The following GRTP1 variants were observed in gnomAD, a reference collection of about 807,000 sequenced individuals.
GRTP1 encodes growth hormone-regulated TBC protein 1.
A neutral mutation model predicts 38.1 loss-of-function variants in GRTP1; 56 were observed. That is an observed-to-expected ratio of 1.47 (90% CI 1.19 to 1.84). The LOEUF (loss-of-function observed/expected upper bound fraction) is 1.84, where lower values mean the gene tolerates loss of function less well. GRTP1 is among the 40% of genes most tolerant of loss of function. The probability of loss-of-function intolerance (pLI) is 0.00; values close to 1 mark genes in which losing one functional copy is unlikely to be tolerated. For missense variants in GRTP1, 506 were observed against 453.9 expected (o/e 1.11, Z -1.04); for synonymous variants, 217 against 189.5 (o/e 1.14, Z -1.19).
chr13:113,338,339 C>T lies in GRTP1; in HGVS notation c.562+6524G>A, dbSNP rs540967122. 2.6e-5 allele frequency among the ~76,000 whole-genome samples: 4 copies of T among 152,248 alleles called. No homozygotes were observed. The East Asian group carries it at 5.8e-4, about 22-fold the overall frequency. ...TCTGCGTGTGGATGGTCACAGGCCA[C>T]GGGGAGCGTGTCCTCAGGTCACTTC... is the stretch of plus-strand genomic sequence containing the variant. On this transcript the variant is annotated intron_variant, in intron 5 of 7. Coordinates refer to ENST00000375431, the MANE Select transcript of GRTP1 (RefSeq NM_024719.4).
chr13:113,337,844 C>T (rs951121642), intron 5 of GRTP1, among the ~76,000 whole-genome samples: 6 of 152,392 alleles, frequency 3.9e-5, no homozygotes, highest in East Asian at 1.9e-4. Flanking sequence ...GTGGCAATTG[C>T]GGCGCCAAGA....
Position 113,324,369 on chromosome 13 carries a change from G to C in GRTP1, c.*119C>G. 7.4e-7 allele frequency: 1 copy of C among 1,343,646 alleles called. No individual in the cohort carries two copies. Among genetic ancestry groups the C allele is most frequent in the Non-Finnish European group, 9.7e-7 (1 of 1,036,114 alleles). 83.2% of individuals were successfully genotyped at this position (1,343,646 alleles called of 1,614,324 possible). ...CTCTTTTAAAAAATTCACAACTAAA[G>C]TGTAGTGATGTCAAGTATTTACAAC... On this transcript the variant is annotated 3_prime_UTR_variant, in exon 8 of 8. Coordinates refer to ENST00000375431, the MANE Select transcript of GRTP1 (RefSeq NM_024719.4).
At chr13:113,352,694 A>C (rs1380212165) in intron 3 of GRTP1, among the ~76,000 whole-genome samples, 2 of 152,096 alleles carry the variant, frequency 1.3e-5, no homozygotes, top group Non-Finnish European at 2.9e-5. Context: ...TGTTTTGATA[A>C]CATCCTGTGG....
At chr13:113,340,933 G>GT (rs1173563576) in intron 5 of GRTP1, among the ~76,000 whole-genome samples, 1 of 151,760 alleles carries the variant, frequency 6.6e-6, no homozygotes, top group South Asian at 2.1e-4. Flanking sequence ...TCGTTAGGCT[G>GT]TTTTTTTCTC....
intron 3 of GRTP1, chr13:113,355,069 G>T: frequency 2.4e-6 from 1 of 415,090 alleles, no homozygotes; most frequent in East Asian, 4.1e-5. Flanking sequence ...AGTCTTCATG[G>T]AGCGCATCTG....
At position 113,343,648 on chromosome 13, in the gene GRTP1, T is replaced by C. The variant is rs933684186; in HGVS notation, c.562+1215A>G. On this transcript the variant is annotated intron_variant, in intron 5 of 7. Coordinates refer to ENST00000375431, the MANE Select transcript of GRTP1 (RefSeq NM_024719.4). The surrounding 1 kb of genome is among the most constrained non-coding windows in gnomAD (Gnocchi z 4.8). ...GCCTTCGGTGTCCTCACCCTGGAAA[T>C]GGGGTGGGTGACTGTGTCCGTGTGG... Among the ~76,000 whole-genome samples, 1 of 152,146 alleles carries C rather than the reference T, an allele frequency of 6.6e-6. No homozygotes were observed. The highest frequency in any genetic ancestry group is 1.5e-5 in the Non-Finnish European group (1 of 68,016).
In GRTP1 at chr13:113,348,550, G is replaced by T. The variant is rs1008945113; in HGVS notation, c.465+2299C>A. 6.6e-6 allele frequency among the ~76,000 whole-genome samples: 1 copy of T among 152,152 alleles called. No individual in the cohort carries two copies. Among genetic ancestry groups the T allele is most frequent in the Non-Finnish European group, 1.5e-5 (1 of 68,006 alleles). The stretch of plus-strand genomic sequence containing the variant: ...CCCTAGTACCTCAGATTGGGACCTT[G>T]TTTGGGAAAAAGACTGTTGCAGATG... On this transcript the variant is annotated intron_variant, in intron 4 of 7. Coordinates refer to ENST00000375431, the MANE Select transcript of GRTP1 (RefSeq NM_024719.4). This position sits in a 1 kb window ranked among gnomAD's most constrained non-coding sequence, Gnocchi z 4.8.
At position 113,344,328 on chromosome 13, in the gene GRTP1, G is replaced by A. The variant is rs534640749; in HGVS notation, c.562+535C>T. Among the ~76,000 whole-genome samples, 172 of 152,334 alleles carry A rather than the reference G, an allele frequency of 1.1e-3. 1 individual carries two copies. Among genetic ancestry groups the A allele is most frequent in the African/African-American group, 3.6e-3 (150 of 41,576 alleles). ...AAGAGACGGCAAAAGGCCCTCTGCCGTCCCAGGAGCAAGCAGTTGCTGCAG... is the reference window on the plus strand; with the variant it reads ...AAGAGACGGCAAAAGGCCCTCTGCCATCCCAGGAGCAAGCAGTTGCTGCAG... On this transcript the variant is annotated intron_variant, in intron 5 of 7. Coordinates refer to ENST00000375431, the MANE Select transcript of GRTP1 (RefSeq NM_024719.4).
intron 4 of GRTP1, among the ~76,000 whole-genome samples, chr13:113,350,610 C>T (rs2043246242): frequency 6.6e-6 from 1 of 152,120 alleles, no homozygotes; most frequent in African/African-American, 2.4e-5. Flanking sequence ...CCCCACAGCA[C>T]TCGCCCTCTG....
chr13:113,345,231 G>A (rs2043083464), intron 4 of GRTP1, among the ~76,000 whole-genome samples: 1 of 152,196 alleles, frequency 6.6e-6, no homozygotes, highest in Non-Finnish European at 1.5e-5. Flanking sequence ...TTCCACTAAT[G>A]GTAACCTTGT....
At chr13:113,352,282 TTATATATA>T (rs1189112621) in intron 3 of GRTP1, among the ~76,000 whole-genome samples, 1 of 41,994 alleles carries the variant, frequency 2.4e-5, no homozygotes, top group Non-Finnish European at 4.7e-5. Flanking sequence ...TTATATATAT[TTATATATA>T]TTTATATATA....
intron 5 of GRTP1, among the ~76,000 whole-genome samples, chr13:113,333,527 T>C (rs371102837): frequency 6.6e-6 from 1 of 152,120 alleles, no homozygotes; most frequent in African/African-American, 2.4e-5. Context: ...TTTTTTGAGA[T>C]AGGGTCTTGC....
chr13:113,346,085 T>C (rs61966587), intron 4 of GRTP1, among the ~76,000 whole-genome samples: 1,118 of 8,478 alleles, frequency 0.13, 241 homozygotes, highest in Non-Finnish European at 0.16. Context: ...TGAGCAGACC[T>C]GGGAAGACAT....
Position 113,346,102 on chromosome 13 carries a change from C to A in GRTP1, c.466-1143G>T, listed in dbSNP as rs1316232297. On this transcript the variant is annotated intron_variant, in intron 4 of 7. Coordinates refer to ENST00000375431, the MANE Select transcript of GRTP1 (RefSeq NM_024719.4). ...AGCAGACCTGGGAAGACATCTGTGG[C>A]CGAGAACAGACCCGGGAGGACCTCT... Among the ~76,000 whole-genome samples, 9 of 68,068 alleles carry A rather than the reference C, an allele frequency of 1.3e-4. 1 individual carries two copies. Among genetic ancestry groups the A allele is most frequent in the Admixed American group, 3.3e-4 (2 of 6,008 alleles). The allele number at this position is 68,068 out of a possible 152,430, so 44.7% of individuals were successfully genotyped here. A position where few individuals can be genotyped will look rare whatever the true frequency, so the allele number is the denominator to read the frequency against.
At position 113,342,411 on chromosome 13, in the gene GRTP1, G is replaced by A. The variant is rs1227475437; in HGVS notation, c.562+2452C>T. On this transcript the variant is annotated intron_variant, in intron 5 of 7. Coordinates refer to ENST00000375431, the MANE Select transcript of GRTP1 (RefSeq NM_024719.4). The surrounding 1 kb of genome is among the most constrained non-coding windows in gnomAD (Gnocchi z 4.5). ...TAGTCCCAGCTACTCGGGAGGCTGA[G>A]GCAGGAGAATGGCGTGAACCTGGGA... 6.6e-6 allele frequency among the ~76,000 whole-genome samples: 1 copy of A among 152,050 alleles called. No individual in the cohort carries two copies. Among genetic ancestry groups the A allele is most frequent in the East Asian group, 1.9e-4 (1 of 5,150 alleles).
Position 113,327,879 on chromosome 13 carries a change from A to G in GRTP1, c.563-1788T>C, listed in dbSNP as rs57760448. ...CAGGCAGCAGGGGGTCTGCAGAGAC[A>G]CACAGCCTGACCTTGGCCCCAGACA... On this transcript the variant is annotated intron_variant, in intron 5 of 7. Transcript: ENST00000375431. 0.011 allele frequency among the ~76,000 whole-genome samples: 1,684 copies of G among 152,318 alleles called. 72 individuals carry two copies. The East Asian group carries it at 0.14, about 13-fold the overall frequency.
In GRTP1 at chr13:113,348,835, G is replaced by A. The variant is rs991669024; in HGVS notation, c.465+2014C>T. Among the ~76,000 whole-genome samples the A allele has an allele frequency of 7.9e-5, 12 of 152,254 alleles. No individual in the cohort carries two copies. The highest frequency in any genetic ancestry group is 2.1e-4 in the South Asian group (1 of 4,822). The stretch of plus-strand genomic sequence containing the variant: ...CAGACGCCGCGACCTCACCTGCCCC[G>A]CAGATGCCGCGACCTCTGATGCACA... On this transcript the variant is annotated intron_variant, in intron 4 of 7. Transcript: ENST00000375431. The surrounding 1 kb of genome is among the most constrained non-coding windows in gnomAD (Gnocchi z 4.8).
intron 2 of GRTP1, among the ~76,000 whole-genome samples, chr13:113,356,097 G>A (rs931097446): frequency 5.3e-5 from 8 of 152,164 alleles, no homozygotes; most frequent in Non-Finnish European, 4.4e-5. Context: ...TCAATACTGA[G>A]TAATTTCTTA....
chr13:113,329,177 T>C (rs924327752), intron 5 of GRTP1, among the ~76,000 whole-genome samples: 9 of 152,198 alleles, frequency 5.9e-5, no homozygotes, highest in African/African-American at 2.2e-4. Context: ...ACCTAAGGTG[T>C]ACAGGGGAAG....
Sources: allele counts gnomAD v4.1 joint callset (sites outside exome capture counted in the v4.1 genomes callset), GRCh38; gene constraint gnomAD v4.1.1; non-coding constraint Gnocchi (gnomAD v3.1); transcripts MANE v1.5; gene names NCBI Gene and HGNC (gene_info 2026-07-23, HGNC 2026-07-21).